ESRRG: variants seen among roughly 807,000 people sequenced by gnomAD.
The protein encoded by ESRRG is estrogen related receptor gamma.
Under a neutral mutation model 44.0 loss-of-function variants are expected in ESRRG, and 13 were observed. The ratio of observed to expected loss-of-function variants is 0.30; its 90% CI spans 0.19 to 0.47. The LOEUF (loss-of-function observed/expected upper bound fraction) is 0.47. Among genes scored for constraint, ESRRG ranks in the 20% least tolerant of loss-of-function variants. ESRRG has a pLI of 1.00. For synonymous variants in ESRRG, 215 were observed against 214.6 expected (o/e 1.00, Z -0.02); for missense variants, 395 against 580.6 (o/e 0.68, Z 3.29).
At chr1:216,836,977 C>T (rs2095575226) in intron 2 of ESRRG, among the ~76,000 whole-genome samples, 1 of 152,056 alleles carries the variant, frequency 6.6e-6, no homozygotes, top group South Asian at 2.1e-4. Flanking sequence ...ACACTCAGAG[C>T]AGAAACATAA....
intron 1 of ESRRG, among the ~76,000 whole-genome samples, chr1:217,026,103 C>T (rs190050057): frequency 2.6e-5 from 4 of 152,166 alleles, no homozygotes; most frequent in Admixed American, 6.5e-5. Flanking sequence ...TTTAGTTGCC[C>T]GACCTCTCAT....
chr1:216,625,916 T>A (rs184547984), intron 3 of ESRRG, among the ~76,000 whole-genome samples: 7 of 152,164 alleles, frequency 4.6e-5, no homozygotes, highest in African/African-American at 1.7e-4. Context: ...ACTGTCTCTA[T>A]CTTTGTCTCC....
intron 5 of ESRRG, among the ~76,000 whole-genome samples, chr1:216,524,383 G>A (rs1369353843): frequency 6.6e-6 from 1 of 150,884 alleles, no homozygotes; most frequent in African/African-American, 2.4e-5. Context: ...GTGAAAGCTG[G>A]AACATCTACA....
chr1:216,888,769 T>G (rs150181152), intron 2 of ESRRG, among the ~76,000 whole-genome samples: 12 of 152,112 alleles, frequency 7.9e-5, no homozygotes, highest in African/African-American at 2.9e-4. Flanking sequence ...GCCCCGAAGA[T>G]CAATAGATGT....
intron 2 of ESRRG, among the ~76,000 whole-genome samples, chr1:216,823,038 C>T (rs1299714126): frequency 6.6e-6 from 1 of 151,824 alleles, no homozygotes; most frequent in Non-Finnish European, 1.5e-5. Context: ...CGACTTGTAG[C>T]TTAGCCTTCC....
chr1:216,759,561 C>A (rs1045340498), intron 2 of ESRRG, among the ~76,000 whole-genome samples: 8 of 152,046 alleles, frequency 5.3e-5, no homozygotes, highest in African/African-American at 1.9e-4. Flanking sequence ...CCAAATAAAA[C>A]CAAAAGATAT....
intron 2 of ESRRG, among the ~76,000 whole-genome samples, chr1:216,784,004 G>A (rs1051828505): frequency 6.6e-6 from 1 of 152,042 alleles, no homozygotes; most frequent in Non-Finnish European, 1.5e-5. Context: ...TTTGCACCAT[G>A]CCTCTTGCTT....
At chr1:216,698,276 G>A (rs1357616823) in intron 1 of ESRRG, among the ~76,000 whole-genome samples, 3 of 152,118 alleles carry the variant, frequency 2.0e-5, no homozygotes, top group African/African-American at 7.2e-5. Context: ...CCAGCACTTT[G>A]GGAGGCCGAG....
rs968361727 is a variant in ESRRG at position 216,973,762 on chromosome 1, G to A, written c.-105-34089C>T. On this transcript the variant is annotated intron_variant, in intron 1 of 7. Transcript: ENST00000359162. ...AATTGCTTGAACCTGGGAGGCAGAGGTTGCGGTGAGCTGAGATAGTGCCAT... is the reference window on the plus strand; with the variant it reads ...AATTGCTTGAACCTGGGAGGCAGAGATTGCGGTGAGCTGAGATAGTGCCAT... Among the ~76,000 whole-genome samples, 42 of 150,892 alleles carry A rather than the reference G, an allele frequency of 2.8e-4. 1 individual carries two copies. The highest frequency in any genetic ancestry group is 1.3e-4 in the Admixed American group (2 of 15,106).
chr1:217,106,424 T>C (rs999716406), intron 1 of ESRRG, among the ~76,000 whole-genome samples: 1 of 151,712 alleles, frequency 6.6e-6, no homozygotes, highest in Admixed American at 6.6e-5. Context: ...ACACACGACC[T>C]GGTCTCAGCC....
At chr1:216,949,270 C>G (rs2066568893) in intron 1 of ESRRG, among the ~76,000 whole-genome samples, 1 of 152,204 alleles carries the variant, frequency 6.6e-6, no homozygotes, top group African/African-American at 2.4e-5. Flanking sequence ...TGGCCACTAT[C>G]TGCAAACATG....
Position 216,567,995 on chromosome 1 carries a change from T to C in ESRRG, c.693A>G (p.Lys231=), listed in dbSNP as rs764163586. ...CACATCTGCTGTACTTACATGGCTTTTTGGCTGGCTGAACCAGCTGAGGGT... is the reference window on the plus strand; with the variant it reads ...CACATCTGCTGTACTTACATGGCTTCTTGGCTGGCTGAACCAGCTGAGGGT... The part of the protein sequence containing the change: ...YLNPQLVQPA[K]KPYNKIVSHL... Residue 231 remains lysine, a synonymous_variant, in exon 4 of 7, where the codon AAA becomes AAG. Coordinates refer to ENST00000408911, the MANE Select transcript of ESRRG (RefSeq NM_001438.4). The C allele has an allele frequency of 6.2e-7, 1 of 1,610,884 alleles. No homozygotes were observed. The highest frequency in any genetic ancestry group is 1.1e-5 in the South Asian group (1 of 91,004).
At chr1:216,555,924 CG>C in intron 5 of ESRRG, among the ~76,000 whole-genome samples, 1 of 152,120 alleles carries the variant, frequency 6.6e-6, no homozygotes, top group East Asian at 1.9e-4. Context: ...GGAAAAAGTG[CG>C]ACCAGCCCAC....
intron 1 of ESRRG, among the ~76,000 whole-genome samples, chr1:216,721,600 C>T (rs1425064440): frequency 2.0e-5 from 3 of 152,156 alleles, no homozygotes; most frequent in African/African-American, 4.8e-5. Context: ...CTTATCTAAA[C>T]GAATTATTCA....
At chr1:216,886,339 C>T (rs2096517750) in intron 2 of ESRRG, among the ~76,000 whole-genome samples, 1 of 152,188 alleles carries the variant, frequency 6.6e-6, no homozygotes, top group Non-Finnish European at 1.5e-5. Context: ...ATCTATTTGG[C>T]TGGATAACAT....
chr1:216,520,645 G>A (rs900510006), intron 5 of ESRRG, among the ~76,000 whole-genome samples: 1 of 152,222 alleles, frequency 6.6e-6, no homozygotes, highest in East Asian at 1.9e-4. Context: ...TTATTTCCAA[G>A]TGTATGCCTA....
At chr1:216,602,232 T>C (rs911111837) in intron 3 of ESRRG, among the ~76,000 whole-genome samples, 1 of 152,208 alleles carries the variant, frequency 6.6e-6, no homozygotes, top group Non-Finnish European at 1.5e-5. Context: ...AACTATGTTG[T>C]ACATGGTTCC....
chr1:216,622,521 G>T (rs1003689879), intron 3 of ESRRG, among the ~76,000 whole-genome samples: 2 of 151,828 alleles, frequency 1.3e-5, no homozygotes, highest in Non-Finnish European at 2.9e-5. Context: ...TGGCCTACAC[G>T]TTGTAAAAAT....
intron 3 of ESRRG, among the ~76,000 whole-genome samples, chr1:216,593,680 T>A (rs1044728355): frequency 6.6e-6 from 1 of 152,246 alleles, no homozygotes; most frequent in Admixed American, 6.5e-5. Context: ...ATAAACTGCA[T>A]ATAAGTTAGA....
Sources: allele counts gnomAD v4.1 joint callset (sites outside exome capture counted in the v4.1 genomes callset), GRCh38; gene constraint gnomAD v4.1.1; transcripts MANE v1.5; gene names NCBI Gene and HGNC (gene_info 2026-07-23, HGNC 2026-07-21).